The following CYP7B1 variants were observed in gnomAD, a reference collection of about 807,000 sequenced individuals.
The protein encoded by CYP7B1 is cytochrome P450 7B1.
In CYP7B1, 29 loss-of-function variants were observed where a neutral mutation model predicts 42.7. The observed-to-expected ratio is 0.68, with a 90% CI of 0.51 to 0.93. The LOEUF is 0.93. CYP7B1 is among the 40% of genes least tolerant of loss of function. The pLI is 0.00. For missense variants in CYP7B1, 655 were observed against 600.5 expected, an observed-to-expected ratio of 1.09 and a Z score of -0.95; for synonymous variants, 235 against 218.2, an observed-to-expected ratio of 1.08 and a Z score of -0.68.
intron 1 of CYP7B1, among the ~76,000 whole-genome samples, chr8:64,637,680 G>A (rs190562237): frequency 8.7e-4 from 132 of 152,280 alleles, no homozygotes; most frequent in Non-Finnish European, 1.6e-3. Flanking sequence ...AATTCTTGCA[G>A]TGTCCTTTGC....
intron 4 of CYP7B1, among the ~76,000 whole-genome samples, chr8:64,610,325 G>A (rs1317549602): frequency 1.3e-5 from 2 of 151,976 alleles, no homozygotes; most frequent in Admixed American, 6.6e-5. Context: ...AGTTTCTGAT[G>A]TACTTCTTTG....
chr8:64,778,222 CAT>C (rs1348940899), intron 1 of CYP7B1, among the ~76,000 whole-genome samples: 310 of 134,228 alleles, frequency 2.3e-3, no homozygotes, highest in African/African-American at 8.0e-3. Context: ...TATATTTATA[CAT>C]GTGTGTGTAT....
chr8:64,735,360 A>G lies in CYP7B1; in HGVS notation c.122+63106T>C, dbSNP rs565662842. 1.2e-4 allele frequency among the ~76,000 whole-genome samples: 18 copies of G among 152,294 alleles called. No homozygotes were observed. In the South Asian group the frequency reaches 2.7e-3, roughly 23 times the overall value. On this transcript the variant is annotated intron_variant, in intron 1 of 5. Transcript: ENST00000310193. ...CCTTTTGTAAGAAAAATTTATATCT[A>G]TAAAGGAAATCTCCATTTCTAAGGG... is the stretch of plus-strand genomic sequence containing the variant.
At chr8:64,761,813 C>T (rs1807895225) in intron 1 of CYP7B1, among the ~76,000 whole-genome samples, 1 of 152,130 alleles carries the variant, frequency 6.6e-6, no homozygotes, top group Admixed American at 6.5e-5. Flanking sequence ...CTTCAGATTA[C>T]CATTTGGGTT....
chr8:64,665,747 T>G (rs1408629702), intron 1 of CYP7B1, among the ~76,000 whole-genome samples: 1 of 151,960 alleles, frequency 6.6e-6, no homozygotes, highest in Non-Finnish European at 1.5e-5. Flanking sequence ...TGGTTAATTT[T>G]GTATTTTTAG....
intron 1 of CYP7B1, among the ~76,000 whole-genome samples, chr8:64,727,148 C>T (rs1807336641): frequency 6.6e-6 from 1 of 152,162 alleles, no homozygotes; most frequent in Admixed American, 6.5e-5. Context: ...CTGTGCTTTC[C>T]CTGCCCACTT....
chr8:64,703,008 TA>T (rs35989651), intron 1 of CYP7B1, among the ~76,000 whole-genome samples: 43,545 of 151,604 alleles, frequency 0.29, 7,447 homozygotes, highest in African/African-American at 0.48. Context: ...TATACATCTA[TA>T]TTTTTTTTCT....
In CYP7B1 at chr8:64,739,754, G is replaced by C. The variant is rs573060968; in HGVS notation, c.122+58712C>G. Among the ~76,000 whole-genome samples the C allele has an allele frequency of 2.0e-5, 3 of 152,196 alleles. No individual in the cohort carries two copies. In the South Asian group the frequency reaches 6.2e-4, roughly 32 times the overall value. On this transcript the variant is annotated intron_variant, in intron 1 of 5. Coordinates refer to ENST00000310193, the MANE Select transcript of CYP7B1 (RefSeq NM_004820.5). ...TGGTTCTCCTGAATATTCACATCTT[G>C]ACATATCATATTCAAACTAAAAAAC...
At chr8:64,629,226 C>CAAA (rs10717028) in intron 1 of CYP7B1, among the ~76,000 whole-genome samples, 2 of 72,526 alleles carry the variant, frequency 2.8e-5, no homozygotes, top group African/African-American at 5.0e-5. Context: ...GAATCCATCT[C>CAAA]AAAAAAAAAA....
At chr8:64,639,931 T>C (rs561946498) in intron 1 of CYP7B1, among the ~76,000 whole-genome samples, 2 of 152,010 alleles carry the variant, frequency 1.3e-5, no homozygotes, top group Admixed American at 1.3e-4. Flanking sequence ...ATTTAGTTTA[T>C]AGAATAAAAG....
chr8:64,661,157 T>C (rs1806194270), intron 1 of CYP7B1, among the ~76,000 whole-genome samples: 1 of 152,204 alleles, frequency 6.6e-6, no homozygotes, highest in South Asian at 2.1e-4. Flanking sequence ...GATAAGGTTT[T>C]GATGGGAATT....
chr8:64,665,700 T>C (rs141062047), intron 1 of CYP7B1, among the ~76,000 whole-genome samples: 10,097 of 150,362 alleles, frequency 0.067, 400 homozygotes, highest in South Asian at 0.17. Flanking sequence ...CCTCAGCCTC[T>C]TGAGTAGCTG....
intron 1 of CYP7B1, among the ~76,000 whole-genome samples, chr8:64,687,693 G>A (rs1806677177): frequency 6.6e-6 from 1 of 152,148 alleles, no homozygotes; most frequent in African/African-American, 2.4e-5. Context: ...TAAAAATTAT[G>A]TAAACCTCAA....
intron 1 of CYP7B1, among the ~76,000 whole-genome samples, chr8:64,689,866 C>A (rs1312980933): frequency 2.0e-5 from 3 of 152,196 alleles, no homozygotes; most frequent in Non-Finnish European, 2.9e-5. Context: ...CCACGCCCGG[C>A]CTGCTTCTGT....
chr8:64,712,330 G>A (rs181161411), intron 1 of CYP7B1, among the ~76,000 whole-genome samples: 257 of 151,592 alleles, frequency 1.7e-3, no homozygotes, highest in African/African-American at 6.0e-3. Context: ...AGCAGCAGCA[G>A]CACTTGCATT....
At chr8:64,674,000 G>C (rs1212597549) in intron 1 of CYP7B1, among the ~76,000 whole-genome samples, 2 of 152,024 alleles carry the variant, frequency 1.3e-5, no homozygotes, top group Non-Finnish European at 2.9e-5. Flanking sequence ...CCAGCAGCTG[G>C]CTCATCTGCT....
At chr8:64,723,768 G>T (rs1249614823) in intron 1 of CYP7B1, among the ~76,000 whole-genome samples, 1 of 151,594 alleles carries the variant, frequency 6.6e-6, no homozygotes, top group South Asian at 2.1e-4. Context: ...TATAATCAAA[G>T]ATATTTGCTG....
At chr8:64,787,341 T>C (rs1389955279) in intron 1 of CYP7B1, among the ~76,000 whole-genome samples, 1 of 152,236 alleles carries the variant, frequency 6.6e-6, no homozygotes, top group Admixed American at 6.5e-5. Flanking sequence ...TTCCACCAGA[T>C]ACCCTAGATC....
At chr8:64,650,565 T>C (rs1264987292) in intron 1 of CYP7B1, among the ~76,000 whole-genome samples, 1 of 152,146 alleles carries the variant, frequency 6.6e-6, no homozygotes, top group Non-Finnish European at 1.5e-5. Context: ...GGAGAATCAC[T>C]TGAACCCAGG....
Sources: allele counts gnomAD v4.1 joint callset (sites outside exome capture counted in the v4.1 genomes callset), GRCh38; gene constraint gnomAD v4.1.1; transcripts MANE v1.5; gene names NCBI Gene and HGNC (gene_info 2026-07-23, HGNC 2026-07-21).